The following MYO16 variants were observed in gnomAD, a reference collection of about 807,000 sequenced individuals.
MYO16 encodes myosin XVI, also known as unconventional myosin-XVI.
MYO16 carries 94 observed loss-of-function variants against 205.3 expected under a neutral mutation model. The observed-to-expected ratio is 0.46, with a 90% CI of 0.39 to 0.54. The LOEUF (loss-of-function observed/expected upper bound fraction) is 0.54, where lower values mean the gene tolerates loss of function less well. Ranked by LOEUF, MYO16 falls within the 20% of genes least tolerant of loss-of-function variation. The probability of loss-of-function intolerance (pLI) is 0.00; values close to 1 mark genes in which losing one functional copy is unlikely to be tolerated. For synonymous variants in MYO16, 988 were observed against 954.0 expected, an observed-to-expected ratio of 1.04 and a Z score of -0.66; for missense variants, 2,315 against 2,387.5, an observed-to-expected ratio of 0.97 and a Z score of 0.63.
chr13:108,810,202 A>G (rs1887244967), intron 7 of MYO16, among the ~76,000 whole-genome samples: 1 of 152,214 alleles, frequency 6.6e-6, no homozygotes, highest in Middle Eastern at 3.2e-3. Context: ...AGTACTGAGG[A>G]AAGTGTCTGA....
chr13:109,113,396 T>TA (rs1387797852), intron 28 of MYO16, among the ~76,000 whole-genome samples: 1 of 151,742 alleles, frequency 6.6e-6, no homozygotes, highest in African/African-American at 2.4e-5. Flanking sequence ...GGCCATACAA[T>TA]AAAAAAGTCT....
At chr13:108,823,334 T>G in intron 9 of MYO16, 56 bp downstream of exon 9, 19 of 1,509,768 alleles carry the variant, frequency 1.3e-5, no homozygotes, top group Non-Finnish European at 1.6e-5. Context: ...CTGGTCATTT[T>G]AGAGCCCATA....
At chr13:109,084,846 A>G (rs1236692984) in intron 27 of MYO16, among the ~76,000 whole-genome samples, 2 of 152,034 alleles carry the variant, frequency 1.3e-5, no homozygotes, top group Non-Finnish European at 2.9e-5. Flanking sequence ...AAAAGCCCCT[A>G]TCTTCAAAGC....
chr13:109,126,995 G>A (rs560937272), intron 30 of MYO16, among the ~76,000 whole-genome samples: 7 of 152,174 alleles, frequency 4.6e-5, no homozygotes, highest in Admixed American at 6.5e-5. Context: ...TGGAAAATGC[G>A]AAGGCCCTTA....
At chr13:108,619,829 G>T (rs1397009540) in intron 1 of MYO16, among the ~76,000 whole-genome samples, 2 of 152,050 alleles carry the variant, frequency 1.3e-5, no homozygotes, top group Non-Finnish European at 2.9e-5. Flanking sequence ...CAACATGTAG[G>T]GTTGAAGTTC....
At chr13:109,086,941 A>T (rs1398299949) in intron 27 of MYO16, among the ~76,000 whole-genome samples, 2 of 152,254 alleles carry the variant, frequency 1.3e-5, no homozygotes, top group Non-Finnish European at 2.9e-5. Context: ...ATAGAGTTAA[A>T]TGACATTAAA....
At chr13:109,138,574 T>C (rs896423951) in intron 31 of MYO16, among the ~76,000 whole-genome samples, 16 of 152,122 alleles carry the variant, frequency 1.1e-4, no homozygotes, top group African/African-American at 3.9e-4. Context: ...TTATGCTCAT[T>C]TGTTTTTCTG....
intron 27 of MYO16, among the ~76,000 whole-genome samples, chr13:109,065,330 A>G (rs1486352920): frequency 6.6e-6 from 1 of 152,186 alleles, no homozygotes; most frequent in Non-Finnish European, 1.5e-5. Context: ...GAGACAAGCT[A>G]CTATCCTTTA....
At chr13:108,916,672 A>G (rs1397124690) in intron 16 of MYO16, among the ~76,000 whole-genome samples, 3 of 152,230 alleles carry the variant, frequency 2.0e-5, no homozygotes, top group Non-Finnish European at 4.4e-5. Flanking sequence ...TGTAGCCATT[A>G]TATGAGTGTT....
At chr13:109,120,075 C>T (rs1566516055) in intron 28 of MYO16, among the ~76,000 whole-genome samples, 1 of 152,234 alleles carries the variant, frequency 6.6e-6, no homozygotes, top group Non-Finnish European at 1.5e-5. Context: ...CTCTTATCTT[C>T]TGACTGATAG....
intron 16 of MYO16, among the ~76,000 whole-genome samples, chr13:108,939,623 T>G (rs557906725): frequency 5.0e-4 from 76 of 152,342 alleles, no homozygotes; most frequent in African/African-American, 1.7e-3. Context: ...TAAATTTCAT[T>G]ATAGCTAAAT....
At chr13:109,161,418 T>C (rs1372883268) in intron 32 of MYO16, among the ~76,000 whole-genome samples, 2 of 152,202 alleles carry the variant, frequency 1.3e-5, no homozygotes, top group South Asian at 2.1e-4. Flanking sequence ...CCATGAGTTG[T>C]GAAATGTTTA....
chr13:108,995,290 G>A (rs991612970), intron 21 of MYO16, among the ~76,000 whole-genome samples: 10 of 152,002 alleles, frequency 6.6e-5, no homozygotes, highest in African/African-American at 2.4e-4. Flanking sequence ...CTTTATTAAG[G>A]GCACTAATCT....
intron 28 of MYO16, among the ~76,000 whole-genome samples, chr13:109,110,767 T>C (rs1367455975): frequency 6.6e-6 from 1 of 152,174 alleles, no homozygotes; most frequent in African/African-American, 2.4e-5. Context: ...AAAGTAATGG[T>C]CATTCTTAGA....
chr13:109,107,786 C>A (rs978633812), intron 28 of MYO16, among the ~76,000 whole-genome samples: 10 of 130,218 alleles, frequency 7.7e-5, no homozygotes, highest in Non-Finnish European at 1.5e-4. Context: ...TATGTACATT[C>A]TGTTTGGAAT....
intron 1 of MYO16, among the ~76,000 whole-genome samples, chr13:108,660,657 A>G (rs1881463063): frequency 6.6e-6 from 1 of 152,130 alleles, no homozygotes; most frequent in African/African-American, 2.4e-5. Context: ...CTTTAAGTTT[A>G]TGTGAGTCCT....
the MYO16 span, among the ~76,000 whole-genome samples, chr13:108,534,877 T>G: frequency 6.6e-6 from 1 of 150,652 alleles, no homozygotes; most frequent in South Asian, 2.1e-4. Context: ...CTTCTCCTTC[T>G]TCTTCTTCTC....
chr13:108,656,745 G>A (rs1038009435), intron 1 of MYO16, among the ~76,000 whole-genome samples: 2 of 152,126 alleles, frequency 1.3e-5, no homozygotes, highest in Admixed American at 1.3e-4. Flanking sequence ...AGGGCAATAA[G>A]CAGTTTATTT....
chr13:109,022,515 T>TC lies in MYO16; in HGVS notation c.2796+2604_2796+2605insC, dbSNP rs1886093925. ...TATACAATATAAACATATGTATATA[T>TC]TTGTTATATATACAATATAAACATA... On this transcript the variant is annotated intron_variant, in intron 23 of 34. Coordinates refer to ENST00000457511, the MANE Select transcript of MYO16 (RefSeq NM_001198950.3). Among the ~76,000 whole-genome samples, 2 of 14,852 alleles carry TC rather than the reference T, an allele frequency of 1.3e-4. 1 individual carries two copies. Among genetic ancestry groups the TC allele is most frequent in the Non-Finnish European group, 3.5e-4 (2 of 5,792 alleles). 9.7% of individuals were successfully genotyped at this position (14,852 alleles called of 152,430 possible). A position where few individuals can be genotyped will look rare whatever the true frequency, so the allele number is the denominator to read the frequency against.
Sources: allele counts gnomAD v4.1 joint callset (sites outside exome capture counted in the v4.1 genomes callset), GRCh38; gene constraint gnomAD v4.1.1; transcripts MANE v1.5; gene names NCBI Gene and HGNC (gene_info 2026-07-23, HGNC 2026-07-21).